Variants in TSPEAR observed in about 807,000 individuals in gnomAD.
TSPEAR encodes thrombospondin-type laminin G domain and EAR repeat-containing protein.
A neutral mutation model predicts 71.6 loss-of-function variants in TSPEAR; 69 were observed. That is an observed-to-expected ratio of 0.96 (90% CI 0.79 to 1.18). The LOEUF is 1.18. Ranked by LOEUF, TSPEAR falls within the 50% of genes most tolerant of loss-of-function variation. The pLI is 0.00. For synonymous variants in TSPEAR, 402 were observed against 387.2 expected, an observed-to-expected ratio of 1.04 and a Z score of -0.45; for missense variants, 971 against 894.9, an observed-to-expected ratio of 1.09 and a Z score of -1.09.
intron 1 of TSPEAR, chr21:44,666,891 G>T (rs1555944986): frequency 6.2e-7 from 1 of 1,612,588 alleles, no homozygotes; most frequent in African/African-American, 1.3e-5. Context: ...ACACATGGTG[G>T]CGTGTGGCTG....
chr21:44,504,665 C>T, intron 11 of TSPEAR, 115 bp downstream of exon 11: 1 of 423,474 alleles, frequency 2.4e-6, no homozygotes. Context: ...TTGGAGGAGG[C>T]CGGCCTCGGT....
At chr21:44,697,615 GC>G in intron 1 of TSPEAR, 2 of 1,613,970 alleles carry the variant, frequency 1.2e-6, no homozygotes, top group Non-Finnish European at 1.7e-6. Context: ...CTAGCTGCCA[GC>G]CAGCTTGCTG....
chr21:44,580,579 G>A (rs372266091), intron 1 of TSPEAR: 30 of 1,605,954 alleles, frequency 1.9e-5, no homozygotes, highest in Non-Finnish European at 2.5e-5. Flanking sequence ...ACGCGGCCAT[G>A]CTGGGGTGGG....
At chr21:44,534,954 G>C (rs1189572869) in intron 2 of TSPEAR, among the ~76,000 whole-genome samples, 2 of 152,220 alleles carry the variant, frequency 1.3e-5, no homozygotes, top group Non-Finnish European at 2.9e-5. Flanking sequence ...AAAGAGGGAA[G>C]GAAATGCTGA....
chr21:44,646,555 G>A lies in TSPEAR; in HGVS notation c.82+64878C>T, dbSNP rs782239494. 3.8e-5 allele frequency: 62 copies of A among 1,612,236 alleles called. No individual in the cohort carries two copies. The highest frequency in any genetic ancestry group is 4.7e-5 in the Non-Finnish European group (55 of 1,179,938). On this transcript the variant is annotated intron_variant, in intron 1 of 11. Transcript: ENST00000323084. ...GAGCTGCTGTGAGCCCCCCTGCAGC[G>A]CCCCCAGCTGCTGCGCCCCGGCCCC...
rs183975119 is a variant in TSPEAR at position 44,582,948 on chromosome 21, G to A, written c.83-14943C>T. Among the ~76,000 whole-genome samples the A allele has an allele frequency of 2.2e-4, 34 of 152,174 alleles. No homozygotes were observed. In the East Asian group the frequency reaches 2.3e-3, roughly 10 times the overall value. On this transcript the variant is annotated intron_variant, in intron 1 of 11. Coordinates refer to ENST00000323084, the MANE Select transcript of TSPEAR (RefSeq NM_144991.3). Reference sequence around the variant, plus strand: ...AGCGATTCTCCTCCCTCAGCCTCCCGAGTAGCTGGGATTACAGGTGTGCAC... The same window carrying A: ...AGCGATTCTCCTCCCTCAGCCTCCCAAGTAGCTGGGATTACAGGTGTGCAC...
intron 8 of TSPEAR, among the ~76,000 whole-genome samples, chr21:44,522,568 G>A (rs2052756703): frequency 1.3e-5 from 2 of 152,252 alleles, no homozygotes; most frequent in Non-Finnish European, 2.9e-5. Flanking sequence ...TGGAGCCTGG[G>A]CAGGGTTGGG....
At position 44,520,893 on chromosome 21, in the gene TSPEAR, C is replaced by G. The variant is rs1406276173; in HGVS notation, c.1566+990G>C. ...AGGCCTGACTGTTGTCACTGTTTTTCCAGACTCCCTGATGGGGGCGGGGGG... is the reference window on the plus strand; with the variant it reads ...AGGCCTGACTGTTGTCACTGTTTTTGCAGACTCCCTGATGGGGGCGGGGGG... On this transcript the variant is annotated intron_variant, in intron 9 of 11. Transcript: ENST00000323084. This position sits in a 1 kb window ranked among gnomAD's most constrained non-coding sequence, Gnocchi z 4.2. 5.2e-5 allele frequency: 8 copies of G among 152,442 alleles called. No homozygotes were observed. Among genetic ancestry groups the G allele is most frequent in the Admixed American group, 2.6e-4 (4 of 15,306 alleles). The allele number at this position is 152,442 out of a possible 1,614,324, so 9.4% of individuals were successfully genotyped here.
At chr21:44,588,594 C>T (rs1979496496) in intron 1 of TSPEAR, among the ~76,000 whole-genome samples, 1 of 151,274 alleles carries the variant, frequency 6.6e-6, no homozygotes, top group Admixed American at 6.6e-5. Flanking sequence ...TATAGCAGCA[C>T]AATTCGCAAT....
intron 2 of TSPEAR, chr21:44,540,172 G>C: frequency 2.5e-6 from 4 of 1,606,318 alleles, no homozygotes; most frequent in African/African-American, 2.7e-5. Flanking sequence ...GAGGAGGTGA[G>C]CTGCGGGAGG....
At chr21:44,646,546 C>T (rs781873848) in intron 1 of TSPEAR, 1 of 1,612,584 alleles carries the variant, frequency 6.2e-7, no homozygotes, top group Non-Finnish European at 8.5e-7. Flanking sequence ...CTGTGAGCCC[C>T]CCTGCAGCGC....
chr21:44,558,468 G>A (rs782250657), intron 2 of TSPEAR: 8 of 1,614,104 alleles, frequency 5.0e-6, no homozygotes, highest in Admixed American at 1.7e-5. Context: ...CTGGCAGCTA[G>A]ACTGCTGGCA....
chr21:44,573,418 C>T (rs587701060), intron 1 of TSPEAR, among the ~76,000 whole-genome samples: 91 of 152,250 alleles, frequency 6.0e-4, no homozygotes, highest in Non-Finnish European at 1.0e-3. Context: ...CACACGTGGA[C>T]CATGCCACCC....
intron 1 of TSPEAR, chr21:44,627,566 C>A: frequency 6.2e-7 from 1 of 1,613,204 alleles, no homozygotes; most frequent in East Asian, 2.2e-5. Context: ...GCTTGCTGTG[C>A]CTCTTCCTCC....
chr21:44,528,594 G>T lies in TSPEAR; in HGVS notation c.791-11C>A. On this transcript the variant is annotated splice_polypyrimidine_tract_variant and intron_variant, in intron 5 of 11. Transcript: ENST00000323084. ...CTCGAATGTTGGTTTCTGAGGGGAA[G>T]ACCAGGAAGATGAGTTTCCAGCAAG... 1 of 1,612,994 alleles carries T rather than the reference G, an allele frequency of 6.2e-7. No individual in the cohort carries two copies. Among genetic ancestry groups the T allele is most frequent in the African/African-American group, 1.3e-5 (1 of 74,990 alleles).
chr21:44,633,916 G>C lies in TSPEAR; in HGVS notation c.83-65911C>G, dbSNP rs143553133. Among the ~76,000 whole-genome samples, 3 of 151,998 alleles carry C rather than the reference G, an allele frequency of 2.0e-5. No homozygotes were observed. The East Asian group carries it at 5.8e-4, about 29-fold the overall frequency. On this transcript the variant is annotated intron_variant, in intron 1 of 11. Coordinates refer to ENST00000323084, the MANE Select transcript of TSPEAR (RefSeq NM_144991.3). ...GCTTGATATATCTTGGGGGTCTGATGTTTGTTAGGTACATGAATGTTTATA... is the reference window on the plus strand; with the variant it reads ...GCTTGATATATCTTGGGGGTCTGATCTTTGTTAGGTACATGAATGTTTATA...
chr21:44,627,701 C>G, intron 1 of TSPEAR: 2 of 1,603,438 alleles, frequency 1.2e-6, no homozygotes, highest in South Asian at 2.2e-5. Context: ...ACTTCCTCCC[C>G]CTGCCAGCAG....
In TSPEAR at chr21:44,703,092, A is replaced by G. The variant is rs375408404; in HGVS notation, c.82+8341T>C. Among the ~76,000 whole-genome samples the G allele has an allele frequency of 5.3e-5, 8 of 152,038 alleles. No individual in the cohort carries two copies. The South Asian group carries it at 1.7e-3, about 32-fold the overall frequency. ...CCCCCCTGCCCTTCTCCTCCAAGCC[A>G]TTGGCCGCCCTTGCCCACCACGTGC... On this transcript the variant is annotated intron_variant, in intron 1 of 11. Coordinates refer to ENST00000323084, the MANE Select transcript of TSPEAR (RefSeq NM_144991.3).
intron 2 of TSPEAR, among the ~76,000 whole-genome samples, chr21:44,535,492 C>G (rs2053072652): frequency 6.6e-6 from 1 of 152,176 alleles, no homozygotes; most frequent in South Asian, 2.1e-4. Flanking sequence ...TTTCAGTTGA[C>G]AGTGGACAGC....
Sources: gnomAD v4.1 joint callset for allele counts (sites outside exome capture counted in the v4.1 genomes callset) on GRCh38, gnomAD v4.1.1 for gene constraint, Gnocchi (gnomAD v3.1) non-coding constraint, MANE v1.5 for transcripts, NCBI Gene and HGNC (gene_info 2026-07-23, HGNC 2026-07-21) for gene names.